Variants in GABRA1 observed in about 807,000 individuals in gnomAD.
The protein encoded by GABRA1 is gamma-aminobutyric acid receptor subunit alpha-1.
Under a neutral mutation model 48.9 loss-of-function variants are expected in GABRA1, and 9 were observed. The observed-to-expected ratio is 0.18, with a 90% CI of 0.11 to 0.32. The LOEUF is 0.32. GABRA1 is among the 10% of genes least tolerant of loss of function. The pLI, the probability that GABRA1 is intolerant of heterozygous loss-of-function variation, is 1.00. For synonymous variants in GABRA1, 210 were observed against 198.7 expected (o/e 1.06, Z -0.48); for missense variants, 285 against 553.8 (o/e 0.51, Z 4.87).
In GABRA1 at chr5:161,854,194, C is replaced by T. The variant is rs1167157957; in HGVS notation, c.111C>T (p.Asp37=). ...CGTCATTACAAGATGAACTTAAAGA[C>T]AATACCACTGTCTTCACCAGGATTT... ...GQPSLQDELK[D]NTTVFTRILD... Residue 37 remains aspartate (D), a synonymous_variant, in exon 3 of 10, where the codon GAC becomes GAT. Transcript: ENST00000393943. 1 of 1,608,644 alleles carries T rather than the reference C, an allele frequency of 6.2e-7. No individual in the cohort carries two copies. Among genetic ancestry groups the T allele is most frequent in the South Asian group, 1.1e-5 (1 of 90,938 alleles).
chr5:161,862,526 A>G (rs7701975), intron 3 of GABRA1, among the ~76,000 whole-genome samples: 11,232 of 151,860 alleles, frequency 0.074, 477 homozygotes, highest in Middle Eastern at 0.12. Context: ...ATCTGAATTT[A>G]ATTAGCAGAA....
intron 3 of GABRA1, 54 bp from the exon 4 acceptor site, chr5:161,865,667 A>G: frequency 1.4e-6 from 2 of 1,392,434 alleles, no homozygotes; most frequent in South Asian, 2.3e-5. Flanking sequence ...TGGTGGTGAG[A>G]TCTAATAAGG....
chr5:161,856,682 A>G (rs2113317580), intron 3 of GABRA1, among the ~76,000 whole-genome samples: 1 of 151,378 alleles, frequency 6.6e-6, no homozygotes, highest in Non-Finnish European at 1.5e-5. Flanking sequence ...TTTTTTAAAT[A>G]TTCTTTTTTT....
chr5:161,847,334 T>C (rs1281103849), upstream of GABRA1: 2 of 152,144 alleles, frequency 1.3e-5, no homozygotes, highest in Admixed American at 1.3e-4. Context: ...AATGGAGATA[T>C]GATTCTCAAA....
At chr5:161,857,998 AG>A (rs1159954454) in intron 3 of GABRA1, among the ~76,000 whole-genome samples, 1 of 151,168 alleles carries the variant, frequency 6.6e-6, no homozygotes, top group Non-Finnish European at 1.5e-5. Context: ...TAAAAAAAAA[AG>A]GAAAGCAAAA....
intron 7 of GABRA1, among the ~76,000 whole-genome samples, chr5:161,888,469 T>C: frequency 6.6e-6 from 1 of 152,228 alleles, no homozygotes; most frequent in Non-Finnish European, 1.5e-5. Flanking sequence ...ATAATAGCTC[T>C]TCAGATCTCC....
chr5:161,872,649 T>C (rs902897935), intron 4 of GABRA1, among the ~76,000 whole-genome samples: 2 of 152,148 alleles, frequency 1.3e-5, no homozygotes, highest in African/African-American at 2.4e-5. Flanking sequence ...CACAATTTAC[T>C]TGGGTGTGGG....
intron 7 of GABRA1, among the ~76,000 whole-genome samples, chr5:161,885,179 C>T (rs1313535299): frequency 6.6e-5 from 10 of 152,180 alleles, no homozygotes; most frequent in Admixed American, 1.3e-4. Flanking sequence ...GTTTGATGTA[C>T]GTTTCAACTC....
chr5:161,870,521 C>T (rs185092617), intron 4 of GABRA1, among the ~76,000 whole-genome samples: 217 of 148,396 alleles, frequency 1.5e-3, no homozygotes, highest in Middle Eastern at 6.9e-3. Context: ...GAGCTATGAC[C>T]GCGTTATTGC....
chr5:161,875,594 G>C lies in GABRA1; in HGVS notation c.511G>C (p.Glu171Gln). Reference sequence around the variant, plus strand: ...GAGAGCTGAATGTCCGATGCATTTGGAGGACTTCCCTATGGATGCCCATGC... The same window carrying C: ...GAGAGCTGAATGTCCGATGCATTTGCAGGACTTCCCTATGGATGCCCATGC... ...TVRAECPMHL[E>Q]DFPMDAHACP... is the part of the protein sequence containing the mutation. The change falls in exon 6 of 10, where the codon GAG becomes CAG. Residue 171 changes from glutamate (E) to glutamine (Q), a missense_variant. Physicochemically the swap from Glu to Gln is conservative, Grantham distance 29. This residue lies in a region of GABRA1 where 105 missense variants were observed against 267.4 expected (regional missense o/e 0.39). Transcript: ENST00000393943. The C allele has an allele frequency of 6.2e-7, 1 of 1,613,574 alleles. No homozygotes were observed. The highest frequency in any genetic ancestry group is 8.5e-7 in the Non-Finnish European group (1 of 1,179,636).
intron 3 of GABRA1, among the ~76,000 whole-genome samples, chr5:161,862,318 G>A (rs959209653): frequency 2.6e-5 from 4 of 151,876 alleles, no homozygotes; most frequent in African/African-American, 9.7e-5. Flanking sequence ...CCAGGATCCA[G>A]ATATACTGCA....
chr5:161,893,892 C>T (rs1755239410), intron 8 of GABRA1, among the ~76,000 whole-genome samples: 1 of 152,152 alleles, frequency 6.6e-6, no homozygotes, highest in Non-Finnish European at 1.5e-5. Flanking sequence ...GTGTTCTTTT[C>T]TCTTTTCCTA....
rs2113469534 is a variant in GABRA1 at position 161,897,152 on chromosome 5, T to G, written c.1101T>G (p.Thr367=). 1 of 1,614,042 alleles carries G rather than the reference T, an allele frequency of 6.2e-7. No homozygotes were observed. The highest frequency in any genetic ancestry group is 8.5e-7 in the Non-Finnish European group (1 of 1,179,982). Residue 367 remains threonine, a synonymous_variant, in exon 10 of 10, where the codon ACT becomes ACG. Coordinates refer to ENST00000393943, the MANE Select transcript of GABRA1 (RefSeq NM_001127644.2). ...ATCCTCTTATTAAGAAAAACAACAC[T>G]TACGCTCCAACAGCAACCAGCTACA... ...VKDPLIKKNN[T]YAPTATSYTP...
chr5:161,884,423 A>AT (rs994098199), intron 7 of GABRA1, among the ~76,000 whole-genome samples: 7 of 152,156 alleles, frequency 4.6e-5, no homozygotes, highest in African/African-American at 1.2e-4. Context: ...TGTGATTAAC[A>AT]TTTTTTTGTG....
intron 4 of GABRA1, among the ~76,000 whole-genome samples, chr5:161,867,302 T>C (rs1158248372): frequency 1.3e-5 from 2 of 152,174 alleles, no homozygotes; most frequent in South Asian, 2.1e-4. Flanking sequence ...GTCCCAGTCA[T>C]GTTTAAGGTC....
At chr5:161,865,259 T>C (rs1758007222) in intron 3 of GABRA1, among the ~76,000 whole-genome samples, 1 of 152,112 alleles carries the variant, frequency 6.6e-6, no homozygotes, top group African/African-American at 2.4e-5. Context: ...AAGCAAACAT[T>C]TATAAAACAT....
At chr5:161,850,695 T>A (rs1757407658) in intron 1 of GABRA1, 101 bp from the exon 2 acceptor site, 3 of 936,602 alleles carry the variant, frequency 3.2e-6, no homozygotes, top group Non-Finnish European at 5.3e-6. Context: ...GGTCATTTCC[T>A]GACTTCAAAG....
At chr5:161,885,439 G>T (rs750416898) in intron 7 of GABRA1, among the ~76,000 whole-genome samples, 13 of 152,062 alleles carry the variant, frequency 8.5e-5, no homozygotes, top group African/African-American at 2.4e-4. Context: ...TAGATAAAAG[G>T]CATCTTCTTC....
chr5:161,876,076 G>A (rs1754339544), intron 6 of GABRA1, among the ~76,000 whole-genome samples: 1 of 152,004 alleles, frequency 6.6e-6, no homozygotes, highest in Non-Finnish European at 1.5e-5. Context: ...GACAGTAAGT[G>A]TTTCTTAATA....
Sources: allele counts gnomAD v4.1 joint callset (sites outside exome capture counted in the v4.1 genomes callset), GRCh38; gene constraint gnomAD v4.1.1; regional missense constraint gnomAD v4.1.1; transcripts MANE v1.5; gene names NCBI Gene and HGNC (gene_info 2026-07-23, HGNC 2026-07-21).